The following SEPTIN11 variants were observed in gnomAD, a reference collection of about 807,000 sequenced individuals.
SEPTIN11 encodes septin-11.
Under a neutral mutation model 51.4 loss-of-function variants are expected in SEPTIN11, and 25 were observed. That is an observed-to-expected ratio of 0.49 (90% CI 0.35 to 0.68). The LOEUF (loss-of-function observed/expected upper bound fraction) is 0.68, where lower values mean the gene tolerates loss of function less well. SEPTIN11 is among the 30% of genes least tolerant of loss of function. The pLI is 0.00. For synonymous variants in SEPTIN11, 174 were observed against 184.1 expected, an observed-to-expected ratio of 0.95 and a Z score of 0.44; for missense variants, 381 against 520.8, an observed-to-expected ratio of 0.73 and a Z score of 2.61.
chr4:76,963,303 C>T (rs745430188), intron 1 of SEPTIN11, among the ~76,000 whole-genome samples: 4 of 152,190 alleles, frequency 2.6e-5, no homozygotes, highest in Non-Finnish European at 5.9e-5. Flanking sequence ...TGCAATTCCA[C>T]GTATTTTTCC....
At chr4:77,003,010 G>T (rs1323801867) in intron 2 of SEPTIN11, among the ~76,000 whole-genome samples, 1 of 152,146 alleles carries the variant, frequency 6.6e-6, no homozygotes, top group Non-Finnish European at 1.5e-5. Context: ...GCTCTTTCCT[G>T]TATTCCCAGC....
chr4:76,975,770 C>T (rs1176903184), intron 1 of SEPTIN11, among the ~76,000 whole-genome samples: 1 of 152,200 alleles, frequency 6.6e-6, no homozygotes, highest in Non-Finnish European at 1.5e-5. Flanking sequence ...TTTTGAGAAC[C>T]ACTTTCTTTA....
chr4:77,036,056 T>C lies in SEPTIN11; in HGVS notation c.*1544T>C, dbSNP rs751262263. ...TTGAATGAGCAAGTCTCCATTTTGA[T>C]TTCAGCAAAGATTTTTTCTCCTTTT... On this transcript the variant is annotated 3_prime_UTR_variant, in exon 10 of 10. Coordinates refer to ENST00000264893, the MANE Select transcript of SEPTIN11 (RefSeq NM_018243.4). The C allele has an allele frequency of 2.1e-5, 21 of 985,844 alleles. No homozygotes were observed. Among genetic ancestry groups the C allele is most frequent in the Non-Finnish European group, 2.3e-5 (19 of 829,998 alleles). The allele number at this position is 985,844 out of a possible 1,614,324, so 61.1% of individuals were successfully genotyped here.
chr4:77,036,379 C>T lies in SEPTIN11; in HGVS notation c.*1867C>T. ...GGGCTGAATTTGCTCATAGGCTGTG[C>T]ATCAGACAAAAGCTTGAATATTTGT... On this transcript the variant is annotated 3_prime_UTR_variant, in exon 10 of 10. Transcript: ENST00000264893. 1 of 1,076,138 alleles carries T rather than the reference C, an allele frequency of 9.3e-7. No homozygotes were observed. The highest frequency in any genetic ancestry group is 1.1e-6 in the Non-Finnish European group (1 of 886,034). 66.7% of individuals were successfully genotyped at this position (1,076,138 alleles called of 1,614,324 possible).
At chr4:76,992,551 G>A (rs1723439258) in intron 1 of SEPTIN11, among the ~76,000 whole-genome samples, 1 of 152,194 alleles carries the variant, frequency 6.6e-6, no homozygotes, top group Non-Finnish European at 1.5e-5. Flanking sequence ...TGTAAATTGA[G>A]TTTGGGTAAC....
intron 7 of SEPTIN11, among the ~76,000 whole-genome samples, chr4:77,023,744 T>G (rs545486846): frequency 3.3e-5 from 5 of 152,294 alleles, no homozygotes; most frequent in African/African-American, 1.2e-4. Flanking sequence ...GCACTTCCTG[T>G]GCACCTGAGC....
chr4:76,958,976 G>A lies in SEPTIN11; in HGVS notation c.27+9046G>A, dbSNP rs559610859. ...CATGCATTTGACTTCATACTCTAAA[G>A]CAACATCCTGACAGTCATCCACATC... On this transcript the variant is annotated intron_variant, in intron 1 of 9. Transcript: ENST00000264893. 26 of 896,894 alleles carry A rather than the reference G, an allele frequency of 2.9e-5. No individual in the cohort carries two copies. In the African/African-American group the frequency reaches 4.1e-4, roughly 14 times the overall value. 55.6% of individuals were successfully genotyped at this position (896,894 alleles called of 1,614,324 possible). A position where few individuals can be genotyped will look rare whatever the true frequency, so the allele number is the denominator to read the frequency against.
intron 9 of SEPTIN11, 24 bp downstream of exon 9, chr4:77,030,994 A>T: frequency 6.3e-7 from 1 of 1,578,380 alleles, no homozygotes; most frequent in Non-Finnish European, 8.5e-7. Flanking sequence ...ACCCCCCTGT[A>T]TCGGGGACCT....
chr4:77,031,675 C>G (rs1578211369), intron 9 of SEPTIN11: 1 of 152,234 alleles, frequency 6.6e-6, no homozygotes, highest in East Asian at 1.9e-4. Context: ...CCTCCCTTGA[C>G]ATTCTCCTGT....
chr4:76,975,047 C>T (rs1722424615), intron 1 of SEPTIN11, among the ~76,000 whole-genome samples: 1 of 149,918 alleles, frequency 6.7e-6, no homozygotes, highest in South Asian at 2.1e-4. Flanking sequence ...TGCTTGAACC[C>T]AGAGGTTGCA....
intron 1 of SEPTIN11, among the ~76,000 whole-genome samples, chr4:76,982,444 C>T (rs946996906): frequency 6.6e-6 from 1 of 152,166 alleles, no homozygotes; most frequent in Non-Finnish European, 1.5e-5. Flanking sequence ...CTCCTGGCCT[C>T]TAGTGATTGC....
At chr4:76,962,424 C>T (rs919477233) in intron 1 of SEPTIN11, among the ~76,000 whole-genome samples, 3 of 152,192 alleles carry the variant, frequency 2.0e-5, no homozygotes, top group African/African-American at 7.2e-5. Context: ...GCTTAAGGGA[C>T]TTGTACTTAA....
chr4:76,967,897 C>G (rs1256839443), intron 1 of SEPTIN11, among the ~76,000 whole-genome samples: 1 of 152,114 alleles, frequency 6.6e-6, no homozygotes, highest in Non-Finnish European at 1.5e-5. Context: ...ACAACATCAA[C>G]ATTTTTGAAT....
At chr4:76,951,459 AGTC>A (rs1721339235) in intron 1 of SEPTIN11, among the ~76,000 whole-genome samples, 1 of 152,220 alleles carries the variant, frequency 6.6e-6, no homozygotes, top group Non-Finnish European at 1.5e-5. Flanking sequence ...GAATTTGCAT[AGTC>A]TCTGGGCTAG....
chr4:76,986,531 T>C (rs1460218980), intron 1 of SEPTIN11, among the ~76,000 whole-genome samples: 1 of 152,212 alleles, frequency 6.6e-6, no homozygotes, highest in East Asian at 1.9e-4. Context: ...TGTGAGAGAA[T>C]GTGTCTTAAA....
At chr4:77,025,376 A>C (rs1344024346) in intron 7 of SEPTIN11, among the ~76,000 whole-genome samples, 1 of 151,992 alleles carries the variant, frequency 6.6e-6, no homozygotes, top group Non-Finnish European at 1.5e-5. Context: ...ATCTCAACAA[A>C]AAATTTTAAA....
At position 77,035,202 on chromosome 4, in the gene SEPTIN11, T is replaced by G. The variant is rs1389734198; in HGVS notation, c.*690T>G. On this transcript the variant is annotated 3_prime_UTR_variant, in exon 10 of 10. Coordinates refer to ENST00000264893, the MANE Select transcript of SEPTIN11 (RefSeq NM_018243.4). ...GTAGACTGGTATGAGAAAACTATGA[T>G]TAGTTCACATTTACTGGTGCATCCT... 1 of 985,306 alleles carries G rather than the reference T, an allele frequency of 1.0e-6. No homozygotes were observed. The highest frequency in any genetic ancestry group is 1.2e-6 in the Non-Finnish European group (1 of 829,950). 61.0% of individuals were successfully genotyped at this position (985,306 alleles called of 1,614,324 possible). A position where few individuals can be genotyped will look rare whatever the true frequency, so the allele number is the denominator to read the frequency against.
At chr4:77,028,821 T>G (rs1726380470) in intron 8 of SEPTIN11, 60 bp downstream of exon 8, 1 of 1,550,930 alleles carries the variant, frequency 6.4e-7, no homozygotes, top group East Asian at 2.3e-5. Context: ...TCTAAATACA[T>G]CACGCTTTAG....
intron 2 of SEPTIN11, among the ~76,000 whole-genome samples, chr4:76,997,855 G>T (rs1004902726): frequency 1.3e-5 from 2 of 152,088 alleles, no homozygotes; most frequent in Non-Finnish European, 2.9e-5. Context: ...AATTGTAATC[G>T]CAGGCCAATT....
Sources: allele counts gnomAD v4.1 joint callset (sites outside exome capture counted in the v4.1 genomes callset), GRCh38; gene constraint gnomAD v4.1.1; transcripts MANE v1.5; gene names NCBI Gene and HGNC (gene_info 2026-07-23, HGNC 2026-07-21).